PLPP4: variants seen among roughly 807,000 people sequenced by gnomAD.
PLPP4 encodes diacylglycerol pyrophosphate like 2.
A neutral mutation model predicts 32.2 loss-of-function variants in PLPP4; 20 were observed. The ratio of observed to expected loss-of-function variants is 0.62; its 90% CI spans 0.44 to 0.90. PLPP4 has a LOEUF of 0.90. Among genes scored for constraint, PLPP4 ranks in the 40% least tolerant of loss-of-function variants. PLPP4 has a pLI of 0.00. For missense variants in PLPP4, 257 were observed against 353.1 expected (o/e 0.73, Z 2.18); for synonymous variants, 127 against 133.0 (o/e 0.95, Z 0.31).
At position 120,589,350 on chromosome 10, in the gene PLPP4, T is replaced by C; in HGVS notation, c.664T>C (p.Tyr222His). ...VIGLIFAYIC[Y>H]RQHYPPLANT... ...CGGCCTCATTTTTGCATACATTTGCTACAGACAGCACTATCCTCCTCTGGC... is the reference window on the plus strand; with the variant it reads ...CGGCCTCATTTTTGCATACATTTGCCACAGACAGCACTATCCTCCTCTGGC... Residue 222 changes from tyrosine to histidine, a missense_variant, in exon 7 of 7, where the codon TAC becomes CAC. By Grantham distance (83) the Tyr-to-His change is moderately conservative. Coordinates refer to ENST00000398250, the MANE Select transcript of PLPP4 (RefSeq NM_001030059.3). 3 of 1,614,202 alleles carry C rather than the reference T, an allele frequency of 1.9e-6. No individual in the cohort carries two copies. Among genetic ancestry groups the C allele is most frequent in the Non-Finnish European group, 2.5e-6 (3 of 1,180,048 alleles).
At chr10:120,538,946 C>T (rs568771174) in intron 5 of PLPP4, among the ~76,000 whole-genome samples, 23 of 152,344 alleles carry the variant, frequency 1.5e-4, no homozygotes, top group African/African-American at 5.1e-4. Flanking sequence ...GACATCAGAA[C>T]CCAAACCCTT....
At chr10:120,484,190 T>C (rs1844338851) in intron 1 of PLPP4, among the ~76,000 whole-genome samples, 1 of 152,262 alleles carries the variant, frequency 6.6e-6, no homozygotes, top group African/African-American at 2.4e-5. Context: ...CATATGTGCA[T>C]GTTCTATAAA....
At chr10:120,525,984 G>A (rs139634516) in intron 5 of PLPP4, among the ~76,000 whole-genome samples, 35 of 151,816 alleles carry the variant, frequency 2.3e-4, no homozygotes, top group East Asian at 2.1e-3. Context: ...TGTATTCCCC[G>A]TTTCTTCTCC....
rs529957619 is a variant in PLPP4 at position 120,582,453 on chromosome 10, T to C, written c.617-6850T>C. On this transcript the variant is annotated intron_variant, in intron 6 of 6. Transcript: ENST00000398250. ...CCTCTTTATAAGGACACCAGTCATA[T>C]TGCATTAGGGCCCACCCTGATTATC... Among the ~76,000 whole-genome samples the C allele has an allele frequency of 2.6e-5, 4 of 152,320 alleles. No homozygotes were observed. In the East Asian group the frequency reaches 7.7e-4, roughly 29 times the overall value.
At chr10:120,473,888 G>A (rs1179418754) in intron 1 of PLPP4, among the ~76,000 whole-genome samples, 1 of 152,146 alleles carries the variant, frequency 6.6e-6, no homozygotes, top group Non-Finnish European at 1.5e-5. Flanking sequence ...GGAACCATGA[G>A]CTAGTTAAAC....
chr10:120,565,135 A>G (rs2420726), intron 5 of PLPP4, among the ~76,000 whole-genome samples: 50,722 of 151,982 alleles, frequency 0.33, 8,599 homozygotes, highest in Middle Eastern at 0.4. Flanking sequence ...CTATTTGACA[A>G]TGTTATCTGG....
intron 1 of PLPP4, among the ~76,000 whole-genome samples, chr10:120,471,973 A>G (rs1458595618): frequency 6.6e-6 from 1 of 152,074 alleles, no homozygotes; most frequent in Non-Finnish European, 1.5e-5. Flanking sequence ...GTCATTTATT[A>G]TACCATTTCA....
chr10:120,469,473 C>T (rs1050540561), intron 1 of PLPP4, among the ~76,000 whole-genome samples: 16 of 152,104 alleles, frequency 1.1e-4, no homozygotes, highest in South Asian at 2.1e-4. Flanking sequence ...GTGATCCGCC[C>T]ACCTGGGGCT....
intron 4 of PLPP4, among the ~76,000 whole-genome samples, 198 bp downstream of exon 4, chr10:120,519,094 A>G (rs1846049992): frequency 6.6e-6 from 1 of 152,192 alleles, no homozygotes. Context: ...GCAGATCACT[A>G]GCAAGGAAGT....
intron 5 of PLPP4, among the ~76,000 whole-genome samples, chr10:120,566,096 C>T (rs1255236992): frequency 6.6e-6 from 1 of 152,014 alleles, no homozygotes; most frequent in African/African-American, 2.4e-5. Flanking sequence ...TTTTAAGCTT[C>T]TCTCAAATTT....
intron 6 of PLPP4, among the ~76,000 whole-genome samples, chr10:120,582,244 C>T (rs1849544851): frequency 6.6e-6 from 1 of 152,214 alleles, no homozygotes; most frequent in Non-Finnish European, 1.5e-5. Context: ...CAAAGCCACC[C>T]TCTCTCTGAA....
intron 5 of PLPP4, among the ~76,000 whole-genome samples, chr10:120,544,225 T>G (rs1171256161): frequency 1.3e-5 from 2 of 152,212 alleles, no homozygotes; most frequent in Admixed American, 6.5e-5. Flanking sequence ...CATTTTACAT[T>G]TCCACGAACA....
At chr10:120,501,658 A>G (rs931478540) in intron 1 of PLPP4, among the ~76,000 whole-genome samples, 1 of 152,210 alleles carries the variant, frequency 6.6e-6, no homozygotes, top group African/African-American at 2.4e-5. Flanking sequence ...GAGAAGAGTT[A>G]AATTACAGGA....
chr10:120,540,142 A>G (rs538656665), intron 5 of PLPP4, among the ~76,000 whole-genome samples: 3 of 152,142 alleles, frequency 2.0e-5, no homozygotes, highest in Non-Finnish European at 4.4e-5. Context: ...TTTTCTTCCA[A>G]AAAAGAAGAA....
At chr10:120,547,691 C>T (rs1364302599) in intron 5 of PLPP4, among the ~76,000 whole-genome samples, 1 of 152,086 alleles carries the variant, frequency 6.6e-6, no homozygotes, top group Non-Finnish European at 1.5e-5. Context: ...GGCACCATAC[C>T]TTTCCAAAGG....
intron 1 of PLPP4, among the ~76,000 whole-genome samples, chr10:120,483,944 A>G (rs925827394): frequency 1.3e-5 from 2 of 152,246 alleles, no homozygotes; most frequent in African/African-American, 4.8e-5. Context: ...ATCTTTATAA[A>G]TTACCCAGTC....
intron 1 of PLPP4, among the ~76,000 whole-genome samples, chr10:120,480,840 C>T (rs1395927629): frequency 6.6e-6 from 1 of 152,198 alleles, no homozygotes; most frequent in Non-Finnish European, 1.5e-5. Flanking sequence ...CTCACCCAAC[C>T]CATTTGATTT....
chr10:120,538,749 G>A (rs1013593186), intron 5 of PLPP4, among the ~76,000 whole-genome samples: 4 of 152,162 alleles, frequency 2.6e-5, no homozygotes, highest in Non-Finnish European at 5.9e-5. Context: ...TTTATTAAGT[G>A]TGTGAAATGT....
intron 1 of PLPP4, among the ~76,000 whole-genome samples, chr10:120,496,849 G>A (rs376547186): frequency 6.6e-6 from 1 of 151,994 alleles, no homozygotes; most frequent in South Asian, 2.1e-4. Flanking sequence ...TAACCAACAA[G>A]AGCATGGGAG....
Sources: allele counts gnomAD v4.1 joint callset (sites outside exome capture counted in the v4.1 genomes callset), GRCh38; gene constraint gnomAD v4.1.1; transcripts MANE v1.5; gene names NCBI Gene and HGNC (gene_info 2026-07-23, HGNC 2026-07-21).